Variants in YY1 observed in about 807,000 individuals in gnomAD.
YY1 encodes the protein YY1 transcription factor.
A neutral mutation model predicts 35.6 loss-of-function variants in YY1; 2 were observed. That is an observed-to-expected ratio of 0.06 (90% CI 0.02 to 0.18). The LOEUF is 0.18. YY1 is among the 10% of genes least tolerant of loss of function. YY1 has a pLI of 1.00. For missense variants in YY1, 322 were observed against 573.4 expected (o/e 0.56, Z 4.48); for synonymous variants, 268 against 238.9 (o/e 1.12, Z -1.12).
intron 1 of YY1, among the ~76,000 whole-genome samples, chr14:100,243,922 G>T (rs1312765365): frequency 6.6e-6 from 1 of 152,042 alleles, no homozygotes; most frequent in African/African-American, 2.4e-5. Flanking sequence ...TGCCTAACAC[G>T]GTAAAACCCT....
At chr14:100,254,355 G>A (rs1260352498) in intron 1 of YY1, among the ~76,000 whole-genome samples, 1 of 152,178 alleles carries the variant, frequency 6.6e-6, no homozygotes, top group Non-Finnish European at 1.5e-5. Context: ...GTGAAAATGA[G>A]GCAGGTCAAA....
chr14:100,250,497 C>G (rs1488777748), intron 1 of YY1, among the ~76,000 whole-genome samples: 1 of 151,848 alleles, frequency 6.6e-6, no homozygotes, highest in Non-Finnish European at 1.5e-5. Context: ...TATAGAAAAT[C>G]GGGATCACAG....
chr14:100,276,856 C>T lies in YY1; in HGVS notation c.1062+208C>T, dbSNP rs1891326814. 1.1e-5 allele frequency: 7 copies of T among 639,826 alleles called. No individual in the cohort carries two copies. Among genetic ancestry groups the T allele is most frequent in the Admixed American group, 2.7e-5 (1 of 36,380 alleles). The allele number at this position is 639,826 out of a possible 1,614,324, so 39.6% of individuals were successfully genotyped here. A position where few individuals can be genotyped will look rare whatever the true frequency, so the allele number is the denominator to read the frequency against. On this transcript the variant is annotated intron_variant, in intron 4 of 4. Transcript: ENST00000262238. The surrounding 1 kb of genome is among the most constrained non-coding windows in gnomAD (Gnocchi z 4.1). ...TGTCTATACTCTGTGGTACTGGGTA[C>T]GCAATGTATTGGTGTTGATGGAGTA...
chr14:100,278,145 AG>A lies in YY1; in HGVS notation c.*546del, dbSNP rs1328435726. On this transcript the variant is annotated 3_prime_UTR_variant, in exon 5 of 5. Transcript: ENST00000262238. ...AAGTATTTTCCTGTAAAAAAAAAAAAGTTATATAGGTTTTGTTTGCTATCTT... is the reference window on the plus strand; with the variant it reads ...AAGTATTTTCCTGTAAAAAAAAAAAATTATATAGGTTTTGTTTGCTATCTT... 2 of 155,454 alleles carry A rather than the reference AG, an allele frequency of 1.3e-5. No individual in the cohort carries two copies. Among genetic ancestry groups the A allele is most frequent in the African/African-American group, 4.9e-5 (2 of 41,236 alleles). 9.6% of individuals were successfully genotyped at this position (155,454 alleles called of 1,614,324 possible). A position where few individuals can be genotyped will look rare whatever the true frequency, so the allele number is the denominator to read the frequency against.
intron 1 of YY1, among the ~76,000 whole-genome samples, chr14:100,260,161 C>A (rs1257697726): frequency 3.3e-5 from 5 of 152,062 alleles, no homozygotes; most frequent in African/African-American, 1.2e-4. Context: ...ACTGCAACCT[C>A]CACTTCCCGG....
intron 1 of YY1, among the ~76,000 whole-genome samples, chr14:100,243,041 G>C (rs1156920281): frequency 6.6e-6 from 1 of 152,100 alleles, no homozygotes; most frequent in Non-Finnish European, 1.5e-5. Flanking sequence ...TGTGTTTTGT[G>C]GTAAACTATC....
intron 2 of YY1, among the ~76,000 whole-genome samples, chr14:100,271,261 T>C (rs1199816928): frequency 6.6e-6 from 1 of 151,876 alleles, no homozygotes; most frequent in Middle Eastern, 3.2e-3. Context: ...AATAAATAAA[T>C]TAATTAAATT....
chr14:100,265,936 C>A (rs1048296397), intron 2 of YY1, among the ~76,000 whole-genome samples: 2 of 152,148 alleles, frequency 1.3e-5, no homozygotes, highest in East Asian at 3.8e-4. Flanking sequence ...TGTGAGCCAC[C>A]GTGCCTGGCC....
At chr14:100,244,399 C>T (rs1205917896) in intron 1 of YY1, among the ~76,000 whole-genome samples, 4 of 131,080 alleles carry the variant, frequency 3.1e-5, no homozygotes, top group Non-Finnish European at 4.8e-5. Flanking sequence ...GATCTCGGCT[C>T]ACTGCAACCT....
intron 1 of YY1, among the ~76,000 whole-genome samples, chr14:100,250,352 C>T (rs1015222588): frequency 6.6e-5 from 10 of 152,196 alleles, no homozygotes; most frequent in East Asian, 5.8e-4. Context: ...GTGATGGCAG[C>T]GGTGACTCTT....
rs551079006 is a variant in YY1, at chr14:100,281,951, G to C, written c.*4351G>C. 16 of 152,296 alleles carry C rather than the reference G, an allele frequency of 1.1e-4. No homozygotes were observed. In the East Asian group the frequency reaches 2.1e-3, roughly 20 times the overall value. The allele number at this position is 152,296 out of a possible 1,614,324, so 9.4% of individuals were successfully genotyped here. A position where few individuals can be genotyped will look rare whatever the true frequency, so the allele number is the denominator to read the frequency against. On this transcript the variant is annotated 3_prime_UTR_variant, in exon 5 of 5. Transcript: ENST00000262238. ...GGTGCCAGAGAGGATCTTTAAGCTG[G>C]GACTGTACTGAGGCTTGATGGGAAG...
intron 2 of YY1, among the ~76,000 whole-genome samples, chr14:100,273,531 A>AT (rs1215748830): frequency 2.0e-5 from 3 of 151,632 alleles, no homozygotes; most frequent in South Asian, 4.2e-4. Context: ...CCCAGGCTTA[A>AT]TTTTTTTATT....
At chr14:100,254,100 T>G (rs1890965579) in intron 1 of YY1, among the ~76,000 whole-genome samples, 1 of 152,154 alleles carries the variant, frequency 6.6e-6, no homozygotes, top group Non-Finnish European at 1.5e-5. Context: ...CCTCTCAAAG[T>G]GCTGGGATTA....
intron 1 of YY1, among the ~76,000 whole-genome samples, chr14:100,255,886 A>G (rs1890998264): frequency 6.6e-6 from 1 of 152,158 alleles, no homozygotes; most frequent in South Asian, 2.1e-4. Context: ...TTCTCTTAAT[A>G]TTAGAATTGT....
chr14:100,271,226 G>A (rs754980384), intron 2 of YY1, among the ~76,000 whole-genome samples: 6 of 152,158 alleles, frequency 3.9e-5, no homozygotes, highest in Non-Finnish European at 8.8e-5. Flanking sequence ...CAGCCTGGGC[G>A]ACAGAGCGAG....
intron 1 of YY1, among the ~76,000 whole-genome samples, chr14:100,251,765 C>T (rs969898255): frequency 1.3e-5 from 2 of 152,112 alleles, no homozygotes; most frequent in East Asian, 3.9e-4. Context: ...GTCCCTTCCT[C>T]CCCTCCCCTC....
Position 100,239,440 on chromosome 14 carries a change from G to T in YY1, c.196G>T (p.Gly66Trp). The change falls in exon 1 of 5, where the codon GGG (glycine) becomes TGG (tryptophan). Residue 66 changes from glycine (G) to tryptophan (W), a missense_variant. Physicochemically the swap from Gly to Trp is radical, Grantham distance 184 (BLOSUM62 -2). Transcript: ENST00000262238. ...CGACCACGGCGGCGGGGGCGGCCAC[G>T]GGCACGCCGGCCACCACCACCACCA... The part of the protein sequence containing the change: ...GGDHGGGGGH[G>W]HAGHHHHHHH... The T allele has an allele frequency of 6.3e-7, 1 of 1,591,194 alleles. No individual in the cohort carries two copies. Among genetic ancestry groups the T allele is most frequent in the Non-Finnish European group, 8.5e-7 (1 of 1,171,446 alleles).
chr14:100,247,754 G>A (rs896794486), intron 1 of YY1, among the ~76,000 whole-genome samples: 1 of 152,154 alleles, frequency 6.6e-6, no homozygotes, highest in African/African-American at 2.4e-5. Context: ...TATCTTCTCA[G>A]TAGGTTCCAT....
chr14:100,254,001 T>A (rs1035519590), intron 1 of YY1, among the ~76,000 whole-genome samples: 4 of 151,892 alleles, frequency 2.6e-5, no homozygotes, highest in Non-Finnish European at 5.9e-5. Flanking sequence ...ATAATCTTTT[T>A]TTTTATATAT....
Sources: gnomAD v4.1 joint callset for allele counts (sites outside exome capture counted in the v4.1 genomes callset) on GRCh38, gnomAD v4.1.1 for gene constraint, Gnocchi (gnomAD v3.1) non-coding constraint, MANE v1.5 for transcripts, NCBI Gene and HGNC (gene_info 2026-07-23, HGNC 2026-07-21) for gene names.